Variants in ARSB observed in about 807,000 individuals in gnomAD.
ARSB encodes N-acetylgalactosamine-4-sulfatase.
A neutral mutation model predicts 50.9 loss-of-function variants in ARSB; 41 were observed. That is an observed-to-expected ratio of 0.81 (90% CI 0.63 to 1.04). ARSB has a LOEUF of 1.04. ARSB is among the 50% of genes least tolerant of loss of function. The probability of loss-of-function intolerance (pLI) is 0.00; values close to 1 mark genes in which losing one functional copy is unlikely to be tolerated. For missense variants in ARSB, 672 were observed against 693.3 expected (o/e 0.97, Z 0.35); for synonymous variants, 269 against 284.8 (o/e 0.94, Z 0.56).
intron 5 of ARSB, among the ~76,000 whole-genome samples, chr5:78,849,091 TG>T (rs1304482752): frequency 2.0e-5 from 3 of 152,236 alleles, no homozygotes; most frequent in African/African-American, 7.2e-5. Flanking sequence ...TTGTCAGTTT[TG>T]GTTTTTGTTG....
At chr5:78,976,997 A>T (rs952881958) in intron 1 of ARSB, among the ~76,000 whole-genome samples, 1 of 152,216 alleles carries the variant, frequency 6.6e-6, no homozygotes, top group African/African-American at 2.4e-5. Flanking sequence ...CTTTGCTAGG[A>T]TATGTGCATG....
chr5:78,857,665 G>T (rs1561463699), intron 5 of ARSB, among the ~76,000 whole-genome samples: 1 of 152,168 alleles, frequency 6.6e-6, no homozygotes. Context: ...GACAGTTCAA[G>T]GATTGCCACC....
At position 78,819,606 on chromosome 5, in the gene ARSB, C is replaced by T. The variant is rs539090588; in HGVS notation, c.1213+19750G>A. Among the ~76,000 whole-genome samples the T allele has an allele frequency of 3.3e-5, 5 of 152,360 alleles. No individual in the cohort carries two copies. In the East Asian group the frequency reaches 7.7e-4, roughly 23 times the overall value. On this transcript the variant is annotated intron_variant, in intron 6 of 7. Transcript: ENST00000264914. Reference sequence around the variant, plus strand: ...TCAAATGTGCCCTGACTAGGTGATGCTTCCCTTTGGGAGATTTGTGTATGT... The same window carrying T: ...TCAAATGTGCCCTGACTAGGTGATGTTTCCCTTTGGGAGATTTGTGTATGT...
chr5:78,797,664 C>T (rs1743233032), intron 6 of ARSB, among the ~76,000 whole-genome samples: 1 of 152,168 alleles, frequency 6.6e-6, no homozygotes. Context: ...CCCCCGTGAG[C>T]CATCCTGCTT....
intron 5 of ARSB, among the ~76,000 whole-genome samples, chr5:78,863,039 A>C (rs1009336363): frequency 2.6e-5 from 4 of 152,220 alleles, no homozygotes; most frequent in African/African-American, 9.6e-5. Flanking sequence ...GAGAAATGCA[A>C]ATCAAAACCA....
chr5:78,867,100 C>T (rs923357124), intron 5 of ARSB, among the ~76,000 whole-genome samples: 6 of 152,162 alleles, frequency 3.9e-5, no homozygotes, highest in African/African-American at 1.4e-4. Flanking sequence ...GAATATTGCG[C>T]TTTTCAGACT....
intron 4 of ARSB, among the ~76,000 whole-genome samples, chr5:78,947,102 A>G (rs1279034871): frequency 6.6e-6 from 1 of 152,168 alleles, no homozygotes; most frequent in Non-Finnish European, 1.5e-5. Flanking sequence ...CTAGACCCCT[A>G]TCTCTCACCA....
chr5:78,968,894 A>C, intron 2 of ARSB, 112 bp downstream of exon 2: 1 of 1,267,146 alleles, frequency 7.9e-7, no homozygotes, highest in Non-Finnish European at 1.1e-6. Flanking sequence ...GTGCCGACTG[A>C]TTCACTCTGT....
chr5:78,800,072 C>T (rs570201404), intron 6 of ARSB, among the ~76,000 whole-genome samples: 3 of 152,252 alleles, frequency 2.0e-5, no homozygotes, highest in Non-Finnish European at 4.4e-5. Context: ...AATCCCGGCA[C>T]TTTGGGAGGC....
chr5:78,891,155 G>A (rs960433702), intron 4 of ARSB, among the ~76,000 whole-genome samples: 5 of 152,166 alleles, frequency 3.3e-5, no homozygotes, highest in Non-Finnish European at 7.4e-5. Context: ...GCCACTCACC[G>A]AAAATAGAGG....
At chr5:78,806,049 T>C (rs1355847239) in intron 6 of ARSB, among the ~76,000 whole-genome samples, 1 of 152,262 alleles carries the variant, frequency 6.6e-6, no homozygotes, top group Admixed American at 6.5e-5. Context: ...ATTGGGTTTC[T>C]GTGAGCGTTA....
Position 78,985,053 on chromosome 5 carries a change from G to T in ARSB, c.196C>A (p.Arg66Ser). 1.3e-6 allele frequency: 2 copies of T among 1,541,582 alleles called. No individual in the cohort carries two copies. Among genetic ancestry groups the T allele is most frequent in the Non-Finnish European group, 1.7e-6 (2 of 1,145,838 alleles). The stretch of plus-strand genomic sequence containing the variant: ...GCGTCCAGGTGCGGCGTGCGGATGC[G>T]GGAGCCGTGGAAGCCGACGTCGTTC... ...GWNDVGFHGSRIRTPHLDALA... is the reference protein window; with the variant it reads ...GWNDVGFHGSSIRTPHLDALA... The change falls in exon 1 of 8, where the codon CGC becomes AGC. Residue 66 changes from arginine (R) to serine (S), a missense_variant. Arg to Ser is a moderately radical substitution (Grantham distance 110). Transcript: ENST00000264914.
At chr5:78,914,349 G>A (rs4703768) in intron 4 of ARSB, among the ~76,000 whole-genome samples, 77,683 of 151,738 alleles carry the variant, frequency 0.51, 20,104 homozygotes, top group Middle Eastern at 0.6. Flanking sequence ...TCTTTCAAAA[G>A]CTGACTTTAA....
At chr5:78,794,280 G>A (rs529420244) in intron 6 of ARSB, among the ~76,000 whole-genome samples, 1 of 151,898 alleles carries the variant, frequency 6.6e-6, no homozygotes. Flanking sequence ...AACCCACCAG[G>A]GTTCTTGGCT....
intron 5 of ARSB, among the ~76,000 whole-genome samples, chr5:78,840,329 A>G (rs963147034): frequency 2.6e-5 from 4 of 152,216 alleles, no homozygotes; most frequent in South Asian, 2.1e-4. Context: ...CATACATAAT[A>G]TAAATAATCA....
At chr5:78,939,932 C>A (rs1404705974) in intron 4 of ARSB, among the ~76,000 whole-genome samples, 4 of 150,554 alleles carry the variant, frequency 2.7e-5, no homozygotes, top group Admixed American at 6.6e-5. Flanking sequence ...TCCACATCCT[C>A]TCCAGCACCT....
Position 78,839,578 on chromosome 5 carries a change from T to TA in ARSB, c.1143-153_1143-152insT. The TA allele has an allele frequency of 4.2e-6, 3 of 716,344 alleles. No individual in the cohort carries two copies. In the Admixed American group the frequency reaches 6.3e-5, roughly 15 times the overall value. The allele number at this position is 716,344 out of a possible 1,614,324, so 44.4% of individuals were successfully genotyped here. A position where few individuals can be genotyped will look rare whatever the true frequency, so the allele number is the denominator to read the frequency against. ...TGGAGGTCTCCACAATCACGGCTGG[T>TA]GCATCTTCAAGCAGTCATCGTTTGT... On this transcript the variant is annotated intron_variant, in intron 5 of 7. Transcript: ENST00000264914.
intron 3 of ARSB, among the ~76,000 whole-genome samples, chr5:78,956,418 GA>G (rs1217293664): frequency 6.6e-6 from 1 of 152,006 alleles, no homozygotes; most frequent in African/African-American, 2.4e-5. Flanking sequence ...TTTTTGGGGG[GA>G]TGATGAACAT....
rs556441358 is a variant in ARSB, at chr5:78,931,816, T to C, written c.898+23479A>G. Among the ~76,000 whole-genome samples, 4 of 151,668 alleles carry C rather than the reference T, an allele frequency of 2.6e-5. 1 individual carries two copies. In the South Asian group the frequency reaches 8.4e-4, roughly 32 times the overall value. Reference sequence around the variant, plus strand: ...GTTGAAGAAGGGACCTGGTGGGAGGTGACTGGATCATGGGGGCTGGTTCTC... The same window carrying C: ...GTTGAAGAAGGGACCTGGTGGGAGGCGACTGGATCATGGGGGCTGGTTCTC... On this transcript the variant is annotated intron_variant, in intron 4 of 7. Coordinates refer to ENST00000264914, the MANE Select transcript of ARSB (RefSeq NM_000046.5).
Sources: gnomAD v4.1 joint callset for allele counts (sites outside exome capture counted in the v4.1 genomes callset) on GRCh38, gnomAD v4.1.1 for gene constraint, MANE v1.5 for transcripts, NCBI Gene and HGNC (gene_info 2026-07-23, HGNC 2026-07-21) for gene names.